GPHN: variants seen among roughly 807,000 people sequenced by gnomAD.
GPHN encodes gephyrin.
Under a neutral mutation model 95.5 loss-of-function variants are expected in GPHN, and 17 were observed. That is an observed-to-expected ratio of 0.18 (90% CI 0.12 to 0.27). GPHN has a LOEUF of 0.27. Ranked by LOEUF, GPHN falls within the 10% of genes least tolerant of loss-of-function variation. The probability of loss-of-function intolerance (pLI) is 1.00; values close to 1 mark genes in which losing one functional copy is unlikely to be tolerated. For synonymous variants in GPHN, 320 were observed against 322.5 expected (o/e 0.99, Z 0.08); for missense variants, 660 against 978.1 (o/e 0.67, Z 4.34).
chr14:66,906,117 T>C (rs1479842948), intron 5 of GPHN, among the ~76,000 whole-genome samples: 2 of 152,014 alleles, frequency 1.3e-5, no homozygotes, highest in Non-Finnish European at 2.9e-5. Flanking sequence ...TGAAACATGG[T>C]ATATCCTTCC....
intron 9 of GPHN, among the ~76,000 whole-genome samples, chr14:66,997,325 C>A (rs993106243): frequency 2.8e-5 from 4 of 142,404 alleles, no homozygotes; most frequent in Admixed American, 7.3e-5. Flanking sequence ...CAAGATCGTG[C>A]AATTGCACTC....
chr14:67,516,604 C>A, the GPHN span, among the ~76,000 whole-genome samples: 213 of 148,368 alleles, frequency 1.4e-3, 1 homozygote, highest in African/African-American at 5.1e-3. Context: ...AATACCTAAC[C>A]CTAATCTGAT....
At chr14:67,661,707 T>C in the GPHN span, among the ~76,000 whole-genome samples, 1 of 148,982 alleles carries the variant, frequency 6.7e-6, no homozygotes, top group Non-Finnish European at 1.5e-5. Context: ...AATTTTTTTT[T>C]GTTTGGTAGA....
At chr14:66,621,779 G>A (rs2063317042) in intron 1 of GPHN, among the ~76,000 whole-genome samples, 1 of 152,088 alleles carries the variant, frequency 6.6e-6, no homozygotes, top group Non-Finnish European at 1.5e-5. Flanking sequence ...CTCATGTCCG[G>A]GTCATGCTGA....
chr14:66,899,949 A>C (rs2065048339), intron 5 of GPHN, among the ~76,000 whole-genome samples: 1 of 151,884 alleles, frequency 6.6e-6, no homozygotes, highest in Non-Finnish European at 1.5e-5. Flanking sequence ...TAAAAGTTAC[A>C]GGGCTATTTA....
chr14:66,597,885 T>A (rs999163689), intron 1 of GPHN, among the ~76,000 whole-genome samples: 5 of 152,154 alleles, frequency 3.3e-5, no homozygotes, highest in African/African-American at 1.2e-4. Flanking sequence ...AATCTAAGTG[T>A]CCATTAATGG....
rs555959748 is a variant in GPHN at position 66,774,097 on chromosome 14, G to A, written c.144-2367G>A. ...CGGCTCACTGCAACTCCGCCTCCCG[G>A]GTTCATGCCATTCTCCTGCCTCAGC... is the stretch of plus-strand genomic sequence containing the variant. On this transcript the variant is annotated intron_variant, in intron 2 of 22. Coordinates refer to ENST00000478722, the MANE Select transcript of GPHN (RefSeq NM_020806.5). Among the ~76,000 whole-genome samples, 220 of 147,870 alleles carry A rather than the reference G, an allele frequency of 1.5e-3. 5 individuals carry two copies. The highest frequency in any genetic ancestry group is 1.0e-3 in the East Asian group (5 of 4,934).
Position 67,048,250 on chromosome 14 carries a change from G to A in GPHN, c.1007-10399G>A, listed in dbSNP as rs1235742739. Among the ~76,000 whole-genome samples the A allele has an allele frequency of 2.6e-5, 4 of 152,074 alleles. No individual in the cohort carries two copies. The South Asian group carries it at 6.2e-4, about 24-fold the overall frequency. Reference sequence around the variant, plus strand: ...CTGAGTGAACCCCTATTCATTTTGCGCTGAGTTCTTACATAGTCTTTTCAG... The same window carrying A: ...CTGAGTGAACCCCTATTCATTTTGCACTGAGTTCTTACATAGTCTTTTCAG... On this transcript the variant is annotated intron_variant, in intron 10 of 22. Coordinates refer to ENST00000478722, the MANE Select transcript of GPHN (RefSeq NM_020806.5).
chr14:66,546,795 G>A (rs1285396126), intron 1 of GPHN, among the ~76,000 whole-genome samples: 5 of 144,182 alleles, frequency 3.5e-5, no homozygotes, highest in Admixed American at 2.1e-4. Context: ...TGGGGAGAGG[G>A]AGAGGGGGAG....
chr14:67,703,139 A>T, the GPHN span, among the ~76,000 whole-genome samples: 2 of 152,134 alleles, frequency 1.3e-5, no homozygotes, highest in Non-Finnish European at 2.9e-5. Flanking sequence ...TTCATTTTAG[A>T]ATTTTAGTCA....
chr14:67,230,336 T>C, the GPHN span, among the ~76,000 whole-genome samples: 1 of 152,120 alleles, frequency 6.6e-6, no homozygotes, highest in Non-Finnish European at 1.5e-5. Flanking sequence ...TCCCAGCACT[T>C]TGGGCGGCTG....
At chr14:67,694,505 T>TAC in the GPHN span, among the ~76,000 whole-genome samples, 131 of 146,602 alleles carry the variant, frequency 8.9e-4, no homozygotes, top group African/African-American at 3.1e-3. Flanking sequence ...TATATATATA[T>TAC]ACACACATAT....
the GPHN span, among the ~76,000 whole-genome samples, chr14:67,686,822 C>T: frequency 6.6e-6 from 1 of 152,078 alleles, no homozygotes; most frequent in Non-Finnish European, 1.5e-5. Context: ...AATCTAATCT[C>T]CCTAGTACAG....
intron 1 of GPHN, among the ~76,000 whole-genome samples, chr14:66,512,779 A>G (rs2058089310): frequency 6.6e-6 from 1 of 151,802 alleles, no homozygotes; most frequent in African/African-American, 2.4e-5. Context: ...TGCTACTGTC[A>G]TAACTCTGCA....
chr14:66,822,766 T>G (rs2153491522), intron 3 of GPHN, among the ~76,000 whole-genome samples: 1 of 152,322 alleles, frequency 6.6e-6, no homozygotes, highest in South Asian at 2.1e-4. Context: ...AACATTTTGG[T>G]GTTGAGATAT....
intron 16 of GPHN, among the ~76,000 whole-genome samples, chr14:67,118,802 T>G (rs530052532): frequency 6.6e-6 from 1 of 152,330 alleles, no homozygotes; most frequent in South Asian, 2.1e-4. Context: ...TGTCCTACTT[T>G]TAGGCAAACA....
the GPHN span, chr14:67,359,901 G>A: frequency 1.7e-6 from 1 of 601,454 alleles, no homozygotes; most frequent in Non-Finnish European, 2.9e-6. Flanking sequence ...GGACAGAACA[G>A]AGGCGTTGCC....
At chr14:67,717,544 C>T in the GPHN span, among the ~76,000 whole-genome samples, 3 of 152,214 alleles carry the variant, frequency 2.0e-5, no homozygotes, top group South Asian at 6.2e-4. Flanking sequence ...CTTTTCAATA[C>T]TACATACACC....
the GPHN span, chr14:67,648,164 T>C: frequency 1.2e-6 from 2 of 1,613,946 alleles, no homozygotes; most frequent in East Asian, 4.5e-5. Context: ...TGTATATTGC[T>C]GAGGAAATAC....
Sources: allele counts gnomAD v4.1 joint callset (sites outside exome capture counted in the v4.1 genomes callset), GRCh38; gene constraint gnomAD v4.1.1; transcripts MANE v1.5; gene names NCBI Gene and HGNC (gene_info 2026-07-23, HGNC 2026-07-21).